Variants in NEK6 observed in about 807,000 individuals in gnomAD.
The protein encoded by NEK6 is serine/threonine-protein kinase Nek6.
A neutral mutation model predicts 43.5 loss-of-function variants in NEK6; 27 were observed. The observed-to-expected ratio is 0.62, with a 90% CI of 0.46 to 0.86. The LOEUF (loss-of-function observed/expected upper bound fraction) is 0.86, where lower values mean the gene tolerates loss of function less well. Among genes scored for constraint, NEK6 ranks in the 40% least tolerant of loss-of-function variants. The pLI is 0.00. For synonymous variants in NEK6, 167 were observed against 164.1 expected, an observed-to-expected ratio of 1.02 and a Z score of -0.14; for missense variants, 318 against 414.4, an observed-to-expected ratio of 0.77 and a Z score of 2.02.
At chr9:124,297,845 C>T (rs10118498) in intron 1 of NEK6, among the ~76,000 whole-genome samples, 59,833 of 152,128 alleles carry the variant, frequency 0.39, 12,357 homozygotes, top group East Asian at 0.63. Flanking sequence ...GTGGCTCGTC[C>T]TTCCACGTCC....
In NEK6 at chr9:124,327,380, T is replaced by G. The variant is rs758428107; in HGVS notation, c.557T>G (p.Val186Gly). ...ANVFITATGV[V>G]KLGDLGLGRF... ...GTGTTCATCACAGCCACGGGCGTCG[T>G]GAAGCTCGGTGACCTTGGTCTGGGC... The change falls in exon 7 of 10, where the codon GTG (valine) becomes GGG (glycine). Residue 186 changes from valine (V) to glycine (G), a missense_variant. Transcript: ENST00000320246. 1 of 1,613,892 alleles carries G rather than the reference T, an allele frequency of 6.2e-7. No homozygotes were observed. The highest frequency in any genetic ancestry group is 1.3e-5 in the African/African-American group (1 of 75,034).
intron 1 of NEK6, among the ~76,000 whole-genome samples, chr9:124,272,851 T>G (rs1831503605): frequency 6.6e-6 from 1 of 152,206 alleles, no homozygotes; most frequent in Non-Finnish European, 1.5e-5. Flanking sequence ...GTGTGCCCAC[T>G]GCCAAGTCAG....
At chr9:124,288,817 C>T (rs1041884119) in intron 1 of NEK6, among the ~76,000 whole-genome samples, 2 of 151,926 alleles carry the variant, frequency 1.3e-5, no homozygotes, top group African/African-American at 4.9e-5. Context: ...GGCTCTCAGA[C>T]CCCTGAGCTT....
At position 124,327,414 on chromosome 9, in the gene NEK6, C is replaced by A. The variant is rs201207004; in HGVS notation, c.591C>A (p.Phe197Leu). Residue 197 changes from phenylalanine to leucine, a missense_variant, in exon 7 of 10, where the codon TTC becomes TTA. Physicochemically the swap from Phe to Leu is conservative, Grantham distance 22. This residue lies in a region of NEK6 where 239 missense variants were observed against 344.4 expected (regional missense o/e 0.69). Coordinates refer to ENST00000320246, the MANE Select transcript of NEK6 (RefSeq NM_014397.6). ...KLGDLGLGRF[F>L]SSETTAAHSL... ...GTGACCTTGGTCTGGGCCGCTTCTTCAGCTCTGAGACCACCGCAGCCCACT... is the reference window on the plus strand; with the variant it reads ...GTGACCTTGGTCTGGGCCGCTTCTTAAGCTCTGAGACCACCGCAGCCCACT... 1 of 1,613,442 alleles carries A rather than the reference C, an allele frequency of 6.2e-7. No homozygotes were observed. The highest frequency in any genetic ancestry group is 8.5e-7 in the Non-Finnish European group (1 of 1,179,998).
At chr9:124,261,411 T>C in intron 1 of NEK6, 1 of 985,198 alleles carries the variant, frequency 1.0e-6, no homozygotes, top group Non-Finnish European at 1.2e-6. Context: ...GGGTGGAGAG[T>C]GGAGGGACCT....
chr9:124,296,190 A>G (rs185516839), intron 1 of NEK6, among the ~76,000 whole-genome samples: 154 of 152,358 alleles, frequency 1.0e-3, no homozygotes, highest in African/African-American at 3.2e-3. Context: ...ACCAACAGAC[A>G]TCACCCCTGG....
chr9:124,340,440 GACC>G (rs1305749288), intron 8 of NEK6, among the ~76,000 whole-genome samples: 4 of 152,188 alleles, frequency 2.6e-5, no homozygotes, highest in African/African-American at 9.7e-5. Flanking sequence ...ACTGTCCCTA[GACC>G]ACCAAAGGCT....
In NEK6 at chr9:124,302,810, G is replaced by A. The variant is rs1440668529; in HGVS notation, c.90+756G>A. Reference sequence around the variant, plus strand: ...GATGCCCGTGATCACATCTCACTGGGGCACTAGTTCCTGGGTCTGCCTCAC... The same window carrying A: ...GATGCCCGTGATCACATCTCACTGGAGCACTAGTTCCTGGGTCTGCCTCAC... On this transcript the variant is annotated intron_variant, in intron 2 of 9. Coordinates refer to ENST00000320246, the MANE Select transcript of NEK6 (RefSeq NM_014397.6). 3.3e-5 allele frequency among the ~76,000 whole-genome samples: 5 copies of A among 152,240 alleles called. No homozygotes were observed. In the East Asian group the frequency reaches 5.8e-4, roughly 18 times the overall value.
intron 1 of NEK6, among the ~76,000 whole-genome samples, chr9:124,299,202 G>C (rs1158771699): frequency 6.6e-6 from 1 of 152,242 alleles, no homozygotes; most frequent in East Asian, 1.9e-4. Flanking sequence ...GGTCTCGCAG[G>C]GGTGACCTGT....
intron 4 of NEK6, among the ~76,000 whole-genome samples, chr9:124,314,193 T>C (rs982536287): frequency 8.5e-5 from 13 of 152,132 alleles, no homozygotes; most frequent in Admixed American, 7.2e-4. Flanking sequence ...TGCCCAGCCC[T>C]TGGGGTCGCT....
At chr9:124,308,140 C>T (rs1833353398) in intron 2 of NEK6, among the ~76,000 whole-genome samples, 1 of 152,202 alleles carries the variant, frequency 6.6e-6, no homozygotes, top group African/African-American at 2.4e-5. Context: ...AAAGAGGAAA[C>T]TGAGGCCCAG....
intron 1 of NEK6, among the ~76,000 whole-genome samples, chr9:124,280,168 A>C (rs923643701): frequency 1.5e-5 from 2 of 129,424 alleles, no homozygotes; most frequent in Admixed American, 8.8e-5. Flanking sequence ...CACACCGCCC[A>C]AAGAAACTTC....
At chr9:124,293,815 C>CT (rs1832545181) in intron 1 of NEK6, among the ~76,000 whole-genome samples, 1 of 152,200 alleles carries the variant, frequency 6.6e-6, no homozygotes, top group Non-Finnish European at 1.5e-5. Context: ...AGTCCCTGCC[C>CT]TTAAAGGCTG....
At position 124,258,527 on chromosome 9, in the gene NEK6, G is replaced by A. The variant is rs555135179; in HGVS notation, c.-30+442G>A. On this transcript the variant is annotated intron_variant, in intron 1 of 9. Coordinates refer to ENST00000320246, the MANE Select transcript of NEK6 (RefSeq NM_014397.6). The stretch of plus-strand genomic sequence containing the variant: ...AAGTGATTTGTGTGCAAGCACATGC[G>A]TGAGCCTAGAAGGGCGAAAGTATGC... Among the ~76,000 whole-genome samples, 14 of 152,360 alleles carry A rather than the reference G, an allele frequency of 9.2e-5. No homozygotes were observed. The South Asian group carries it at 2.5e-3, about 27-fold the overall frequency.
chr9:124,279,064 T>C (rs1831775376), intron 1 of NEK6, among the ~76,000 whole-genome samples: 1 of 151,784 alleles, frequency 6.6e-6, no homozygotes, highest in African/African-American at 2.4e-5. Context: ...AGGTGGAGTG[T>C]CCCATATTTC....
intron 8 of NEK6, among the ~76,000 whole-genome samples, chr9:124,345,580 G>C (rs976013287): frequency 6.6e-6 from 1 of 152,216 alleles, no homozygotes; most frequent in East Asian, 1.9e-4. Context: ...CCAGCAGCGA[G>C]GTTTATAAAA....
At chr9:124,344,413 C>T (rs1829809260) in intron 8 of NEK6, among the ~76,000 whole-genome samples, 1 of 152,234 alleles carries the variant, frequency 6.6e-6, no homozygotes, top group African/African-American at 2.4e-5. Context: ...GGCGCTGACC[C>T]CAGCTAGTGG....
chr9:124,258,490 G>A (rs1188874380), intron 1 of NEK6: 8 of 297,942 alleles, frequency 2.7e-5, no homozygotes, highest in Non-Finnish European at 4.0e-5. Context: ...GTGTGCACGT[G>A]TGTGCATTCC....
At chr9:124,306,404 G>A (rs557900076) in intron 2 of NEK6, among the ~76,000 whole-genome samples, 21 of 152,268 alleles carry the variant, frequency 1.4e-4, no homozygotes, top group Non-Finnish European at 2.6e-4. Flanking sequence ...TCTTCCATGC[G>A]ATGGGCATTG....
Sources: gnomAD v4.1 joint callset for allele counts (sites outside exome capture counted in the v4.1 genomes callset) on GRCh38, gnomAD v4.1.1 for gene constraint, gnomAD v4.1.1 regional missense constraint, MANE v1.5 for transcripts, NCBI Gene and HGNC (gene_info 2026-07-23, HGNC 2026-07-21) for gene names.